The following STAG1 variants were observed in gnomAD, a reference collection of about 807,000 sequenced individuals.
The protein encoded by STAG1 is STAG1 cohesin complex component.
In STAG1, 26 loss-of-function variants were observed where a neutral mutation model predicts 170.9. The observed-to-expected ratio is 0.15, with a 90% CI of 0.11 to 0.21. The LOEUF (loss-of-function observed/expected upper bound fraction) is 0.21. STAG1 is among the 10% of genes least tolerant of loss of function. STAG1 has a pLI of 1.00. For synonymous variants in STAG1, 514 were observed against 497.7 expected (o/e 1.03, Z -0.44); for missense variants, 964 against 1,509.5 (o/e 0.64, Z 5.99).
intron 7 of STAG1, among the ~76,000 whole-genome samples, chr3:136,511,221 T>A (rs1047731290): frequency 6.6e-6 from 1 of 152,236 alleles, no homozygotes; most frequent in Non-Finnish European, 1.5e-5. Flanking sequence ...CAGAACTGTG[T>A]GTCAATTAAA....
chr3:136,547,313 C>T (rs181183777), intron 5 of STAG1, among the ~76,000 whole-genome samples: 20 of 152,282 alleles, frequency 1.3e-4, no homozygotes, highest in African/African-American at 4.8e-4. Flanking sequence ...ATACTTTATG[C>T]AGACTTCCTT....
chr3:136,462,458 T>C (rs940041170), intron 13 of STAG1, among the ~76,000 whole-genome samples: 1 of 152,176 alleles, frequency 6.6e-6, no homozygotes, highest in African/African-American at 2.4e-5. Context: ...ATATCTCATG[T>C]TCTCACTTTA....
chr3:136,558,824 T>G (rs1256227687), intron 5 of STAG1, among the ~76,000 whole-genome samples: 1 of 152,216 alleles, frequency 6.6e-6, no homozygotes, highest in African/African-American at 2.4e-5. Context: ...AAGATAGCTT[T>G]TAGTAACCAC....
At chr3:136,699,745 T>C (rs1349394887) in intron 1 of STAG1, among the ~76,000 whole-genome samples, 3 of 151,900 alleles carry the variant, frequency 2.0e-5, no homozygotes, top group Non-Finnish European at 4.4e-5. Context: ...CCTTTGTGTA[T>C]CCTTTCAGAA....
At chr3:136,528,166 A>G (rs1271080626) in intron 6 of STAG1, among the ~76,000 whole-genome samples, 1 of 152,172 alleles carries the variant, frequency 6.6e-6, no homozygotes, top group African/African-American at 2.4e-5. Flanking sequence ...TTGTTCAGCT[A>G]TGCCCTGCCC....
rs71157387 is a variant in STAG1 at position 136,498,192 on chromosome 3, TAA to T, written c.902+2029_902+2030del. Reference sequence around the variant, plus strand: ...GGGCAACAAGAGCAAAACTCCATCTTAAAAAAAAAAAAAAAAATTATATATAT... The same window carrying T: ...GGGCAACAAGAGCAAAACTCCATCTTAAAAAAAAAAAAAAATTATATATAT... On this transcript the variant is annotated intron_variant, in intron 9 of 33. Coordinates refer to ENST00000383202, the MANE Select transcript of STAG1 (RefSeq NM_005862.3). 3.3e-3 allele frequency among the ~76,000 whole-genome samples: 198 copies of T among 59,994 alleles called. 8 individuals are homozygous for T. The highest frequency in any genetic ancestry group is 9.1e-3 in the Middle Eastern group (1 of 110). 39.4% of individuals were successfully genotyped at this position (59,994 alleles called of 152,430 possible). A position where few individuals can be genotyped will look rare whatever the true frequency, so the allele number is the denominator to read the frequency against.
At chr3:136,467,879 G>C (rs188963555) in intron 12 of STAG1, among the ~76,000 whole-genome samples, 1 of 152,120 alleles carries the variant, frequency 6.6e-6, no homozygotes, top group East Asian at 1.9e-4. Flanking sequence ...TCAACTACAC[G>C]GAAACTAAAC....
Position 136,630,878 on chromosome 3 carries a change from T to A in STAG1, c.21A>T (p.Pro7=). 6.4e-7 allele frequency: 1 copy of A among 1,560,230 alleles called. No individual in the cohort carries two copies. Among genetic ancestry groups the A allele is most frequent in the Non-Finnish European group, 8.7e-7 (1 of 1,150,400 alleles). MITSEL[P]VLQDSTNETT... Reference sequence around the variant, plus strand: ...AAAATTACAATACTTACTGTAACACTGGTAATTCTGAAGTAATCATTGCTG... The same window carrying A: ...AAAATTACAATACTTACTGTAACACAGGTAATTCTGAAGTAATCATTGCTG... The change falls in exon 2 of 34, where the codon CCA becomes CCT. Residue 7 remains proline (P), a synonymous_variant. Coordinates refer to ENST00000383202, the MANE Select transcript of STAG1 (RefSeq NM_005862.3).
At chr3:136,568,143 ATTC>A (rs1937148684) in intron 5 of STAG1, among the ~76,000 whole-genome samples, 1 of 152,136 alleles carries the variant, frequency 6.6e-6, no homozygotes, top group Admixed American at 6.6e-5. Context: ...AAAGATTACT[ATTC>A]TTCTGTATTC....
chr3:136,554,124 G>C (rs986261045), intron 5 of STAG1, among the ~76,000 whole-genome samples: 1 of 152,150 alleles, frequency 6.6e-6, no homozygotes, highest in Middle Eastern at 3.4e-3. Flanking sequence ...AGAAAAAAAA[G>C]TATTGCCGGA....
At position 136,338,449 on chromosome 3, in the gene STAG1, G is replaced by A; in HGVS notation, c.3674C>T (p.Pro1225Leu). 1 of 1,612,904 alleles carries A rather than the reference G, an allele frequency of 6.2e-7. No individual in the cohort carries two copies. Among genetic ancestry groups the A allele is most frequent in the Non-Finnish European group, 8.5e-7 (1 of 1,179,090 alleles). ...TCTCTCTCGCCGATTTCTTGATGGA[G>A]GCTGGAAAGAGAAATCGGTTTCTTA... ...EFEDTMVIDLPPSRNRRERAE... is the reference protein window; with the variant it reads ...EFEDTMVIDLLPSRNRRERAE... Residue 1225 changes from proline to leucine, a missense_variant and splice_region_variant, in exon 33 of 34, where the codon CCT becomes CTT. Pro to Leu is a moderately conservative substitution (Grantham distance 98). This residue lies in a region of STAG1 where 59 missense variants were observed against 104.2 expected (regional missense o/e 0.57). Coordinates refer to ENST00000383202, the MANE Select transcript of STAG1 (RefSeq NM_005862.3).
chr3:136,336,645 C>G lies in STAG1; in HGVS notation c.*1609G>C, dbSNP rs1935690211. 7.3e-6 allele frequency: 1 copy of G among 137,666 alleles called. No homozygotes were observed. The highest frequency in any genetic ancestry group is 1.7e-5 in the Non-Finnish European group (1 of 60,006). The allele number at this position is 137,666 out of a possible 1,614,324, so 8.5% of individuals were successfully genotyped here. A position where few individuals can be genotyped will look rare whatever the true frequency, so the allele number is the denominator to read the frequency against. On this transcript the variant is annotated 3_prime_UTR_variant, in exon 34 of 34. Coordinates refer to ENST00000383202, the MANE Select transcript of STAG1 (RefSeq NM_005862.3). Reference sequence around the variant, plus strand: ...GGGAGAAAGTGAGGCCCCAGCTCCCCTAACTGGAGCCCAAGAATTGCTGAA... The same window carrying G: ...GGGAGAAAGTGAGGCCCCAGCTCCCGTAACTGGAGCCCAAGAATTGCTGAA...
At chr3:136,456,767 G>T (rs939993853) in intron 13 of STAG1, among the ~76,000 whole-genome samples, 1 of 152,086 alleles carries the variant, frequency 6.6e-6, no homozygotes, top group Non-Finnish European at 1.5e-5. Flanking sequence ...CAAAAGAAAA[G>T]AATCATATCA....
At chr3:136,582,094 T>A (rs974314852) in intron 4 of STAG1, among the ~76,000 whole-genome samples, 2 of 151,984 alleles carry the variant, frequency 1.3e-5, no homozygotes, top group Non-Finnish European at 2.9e-5. Context: ...AGTCACTAAG[T>A]GCTGACTATA....
At chr3:136,460,339 C>T (rs1576487655) in intron 13 of STAG1, among the ~76,000 whole-genome samples, 2 of 152,136 alleles carry the variant, frequency 1.3e-5, no homozygotes, top group Admixed American at 1.3e-4. Flanking sequence ...CGGTGGCTCA[C>T]GCCTTTAGTC....
At chr3:136,580,558 G>A (rs939175316) in intron 4 of STAG1, among the ~76,000 whole-genome samples, 4 of 122,936 alleles carry the variant, frequency 3.3e-5, no homozygotes, top group East Asian at 2.4e-4. Context: ...ACGGAGTCTC[G>A]CTCTGTCGCC....
chr3:136,509,597 AG>A (rs1355699819), intron 7 of STAG1, among the ~76,000 whole-genome samples: 5 of 152,192 alleles, frequency 3.3e-5, no homozygotes, highest in Non-Finnish European at 7.3e-5. Flanking sequence ...GGAAAAATAA[AG>A]GCAGTGAGGA....
chr3:136,375,181 G>A (rs1302532387), intron 23 of STAG1, among the ~76,000 whole-genome samples: 1 of 152,156 alleles, frequency 6.6e-6, no homozygotes, highest in Non-Finnish European at 1.5e-5. Flanking sequence ...GTGCATGACT[G>A]TATTAGAAAA....
At chr3:136,464,858 G>A (rs546901604) in intron 13 of STAG1, 23 bp downstream of exon 13, 22 of 1,587,094 alleles carry the variant, frequency 1.4e-5, no homozygotes, top group African/African-American at 1.3e-4. Context: ...AGTAGAACCG[G>A]TTTTCAAAGA....
Sources: gnomAD v4.1 joint callset for allele counts (sites outside exome capture counted in the v4.1 genomes callset) on GRCh38, gnomAD v4.1.1 for gene constraint, gnomAD v4.1.1 regional missense constraint, MANE v1.5 for transcripts, NCBI Gene and HGNC (gene_info 2026-07-23, HGNC 2026-07-21) for gene names.